TFDP2: variants seen among roughly 807,000 people sequenced by gnomAD.
TFDP2 encodes transcription factor Dp-2 (E2F dimerization partner 2).
In TFDP2, 17 loss-of-function variants were observed where a neutral mutation model predicts 59.3. The ratio of observed to expected loss-of-function variants is 0.29; its 90% CI spans 0.20 to 0.43. The LOEUF (loss-of-function observed/expected upper bound fraction) is 0.43, where lower values mean the gene tolerates loss of function less well. Among genes scored for constraint, TFDP2 ranks in the 20% least tolerant of loss-of-function variants. TFDP2 has a pLI of 1.00. For synonymous variants in TFDP2, 180 were observed against 194.7 expected (o/e 0.92, Z 0.63); for missense variants, 391 against 528.8 (o/e 0.74, Z 2.56).
At chr3:142,019,091 A>G (rs1945389094) in intron 3 of TFDP2, among the ~76,000 whole-genome samples, 3 of 140,092 alleles carry the variant, frequency 2.1e-5, no homozygotes, top group Non-Finnish European at 3.1e-5. Flanking sequence ...TGAGACGGAG[A>G]TTTACTCTTG....
chr3:142,060,421 AC>A (rs923489416), intron 3 of TFDP2, among the ~76,000 whole-genome samples: 4 of 152,250 alleles, frequency 2.6e-5, no homozygotes, highest in African/African-American at 9.6e-5. Flanking sequence ...AAAGAGAAAA[AC>A]CCAACAGTAG....
At chr3:141,967,960 C>A (rs888774500) in intron 9 of TFDP2, among the ~76,000 whole-genome samples, 1 of 151,706 alleles carries the variant, frequency 6.6e-6, no homozygotes, top group Non-Finnish European at 1.5e-5. Context: ...TTAAAAATAA[C>A]GTGCCAAAAA....
At chr3:141,993,063 G>A (rs1942935069) in intron 6 of TFDP2, among the ~76,000 whole-genome samples, 1 of 151,420 alleles carries the variant, frequency 6.6e-6, no homozygotes, top group South Asian at 2.1e-4. Context: ...AGCCGGGTGT[G>A]GTGGCTCATG....
intron 2 of TFDP2, 64 bp from the exon 3 acceptor site, chr3:142,093,191 C>A: frequency 1.8e-6 from 2 of 1,101,420 alleles, no homozygotes; most frequent in Non-Finnish European, 2.6e-6. Context: ...ACTTAACAAG[C>A]TATTTTATAT....
At chr3:142,013,068 C>T (rs1015645402) in intron 3 of TFDP2, among the ~76,000 whole-genome samples, 7 of 151,996 alleles carry the variant, frequency 4.6e-5, no homozygotes, top group African/African-American at 7.2e-5. Flanking sequence ...ACCCGGGAGG[C>T]GGAGGTTGCC....
At chr3:142,004,485 T>G (rs1452830749) in intron 4 of TFDP2, among the ~76,000 whole-genome samples, 1 of 152,212 alleles carries the variant, frequency 6.6e-6, no homozygotes, top group Non-Finnish European at 1.5e-5. Flanking sequence ...CTTTTACTAA[T>G]GGTGGGTGAG....
intron 3 of TFDP2, among the ~76,000 whole-genome samples, chr3:142,041,204 A>G (rs1946953514): frequency 6.6e-6 from 1 of 152,226 alleles, no homozygotes; most frequent in African/African-American, 2.4e-5. Flanking sequence ...GACTAACCAC[A>G]AAGTCCTTTA....
chr3:142,038,399 A>C (rs928771295), intron 3 of TFDP2, among the ~76,000 whole-genome samples: 3 of 147,908 alleles, frequency 2.0e-5, no homozygotes, highest in Non-Finnish European at 3.0e-5. Context: ...AAAAAAAAAA[A>C]AAAAAAAAGA....
intron 1 of TFDP2, among the ~76,000 whole-genome samples, chr3:142,102,833 C>G (rs2061354385): frequency 6.6e-6 from 1 of 152,134 alleles, no homozygotes; most frequent in African/African-American, 2.4e-5. Flanking sequence ...GAGGAAATAT[C>G]AGAGAAATCC....
At chr3:142,033,464 C>G (rs1946531895) in intron 3 of TFDP2, among the ~76,000 whole-genome samples, 1 of 152,114 alleles carries the variant, frequency 6.6e-6, no homozygotes, top group African/African-American at 2.4e-5. Context: ...CTACCAAAAC[C>G]CCTATGCATG....
intron 1 of TFDP2, among the ~76,000 whole-genome samples, chr3:142,124,974 T>C (rs1007534818): frequency 3.3e-5 from 5 of 152,142 alleles, no homozygotes; most frequent in South Asian, 4.1e-4. Context: ...GGTGGGAGTA[T>C]TGCTCGAGGC....
intron 1 of TFDP2, among the ~76,000 whole-genome samples, chr3:142,133,317 A>G (rs2062585169): frequency 6.7e-6 from 1 of 150,046 alleles, no homozygotes; most frequent in Admixed American, 6.6e-5. Context: ...CCTAGCCTCA[A>G]GCAATCCTCC....
intron 3 of TFDP2, among the ~76,000 whole-genome samples, chr3:142,026,229 C>A (rs972949343): frequency 2.6e-5 from 4 of 152,062 alleles, no homozygotes; most frequent in African/African-American, 9.7e-5. Context: ...GTGGTGGACG[C>A]CTGTAGTCCC....
intron 11 of TFDP2, among the ~76,000 whole-genome samples, chr3:141,956,938 C>G (rs1936753050): frequency 1.5e-5 from 1 of 68,450 alleles, no homozygotes; most frequent in East Asian, 4.4e-4. Flanking sequence ...CCACCCTGCC[C>G]CACCCCCCCC....
intron 1 of TFDP2, among the ~76,000 whole-genome samples, chr3:142,115,722 G>T (rs1577021080): frequency 6.6e-6 from 1 of 152,138 alleles, no homozygotes; most frequent in East Asian, 1.9e-4. Context: ...ATACTATGAT[G>T]TTGTTTTTTT....
chr3:142,098,568 TAAGCAAGGTCA>T (rs1264323543), intron 2 of TFDP2, among the ~76,000 whole-genome samples: 1 of 152,036 alleles, frequency 6.6e-6, no homozygotes, highest in East Asian at 1.9e-4. Context: ...CCACGGAGTT[TAAGCAAGGTCA>T]ACTCAAACTT....
At chr3:142,143,299 C>G (rs2063031344) in intron 1 of TFDP2, among the ~76,000 whole-genome samples, 1 of 152,072 alleles carries the variant, frequency 6.6e-6, no homozygotes, top group African/African-American at 2.4e-5. Flanking sequence ...TGTGAAACTA[C>G]TAGAAGAAAA....
At chr3:141,973,123 A>ATATATATATATTTT in intron 8 of TFDP2, among the ~76,000 whole-genome samples, 10 of 58,022 alleles carry the variant, frequency 1.7e-4, no homozygotes, top group African/African-American at 5.2e-4. Context: ...ATATATATAT[A>ATATATATATATTTT]TTTTTTTTTT....
At position 141,957,578 on chromosome 3, in the gene TFDP2, T is replaced by C. The variant is rs143756482; in HGVS notation, c.1051+2096A>G. Among the ~76,000 whole-genome samples, 7 of 152,152 alleles carry C rather than the reference T, an allele frequency of 4.6e-5. No homozygotes were observed. In the East Asian group the frequency reaches 1.3e-3, roughly 29 times the overall value. On this transcript the variant is annotated intron_variant, in intron 11 of 12. Transcript: ENST00000489671. ...GGAAACAGTCCAAATATCTACCAAC[T>C]GATGAATGGATAAACAAAATGTGGT...
Sources: gnomAD v4.1 joint callset for allele counts (sites outside exome capture counted in the v4.1 genomes callset) on GRCh38, gnomAD v4.1.1 for gene constraint, MANE v1.5 for transcripts, NCBI Gene and HGNC (gene_info 2026-07-23, HGNC 2026-07-21) for gene names.